ESYT2: variants seen among roughly 807,000 people sequenced by gnomAD.
ESYT2 encodes extended synaptotagmin-2.
In ESYT2, 54 loss-of-function variants were observed where a neutral mutation model predicts 107.2. The ratio of observed to expected loss-of-function variants is 0.50; its 90% CI spans 0.40 to 0.63. The LOEUF is 0.63. Among genes scored for constraint, ESYT2 ranks in the 30% least tolerant of loss-of-function variants. ESYT2 has a pLI of 0.00. For synonymous variants in ESYT2, 491 were observed against 434.1 expected, an observed-to-expected ratio of 1.13 and a Z score of -1.63; for missense variants, 1,020 against 1,094.5, an observed-to-expected ratio of 0.93 and a Z score of 0.96.
rs368886014 is a variant in ESYT2, at chr7:158,829,115, C to T, written c.304G>A (p.Val102Met). ...EDEERVVRLG[V>M]RACDLPAWVH... The stretch of plus-strand genomic sequence containing the variant: ...CAGGCGGGCAGGTCGCAGGCGCGCA[C>T]CCCCAGGCGCACGACGCGCTCCTCG... The change falls in exon 1 of 23, where the codon GTG becomes ATG. Residue 102 changes from valine (V) to methionine (M), a missense_variant. Val to Met is a conservative substitution (Grantham distance 21, BLOSUM62 1). Coordinates refer to ENST00000275418, the MANE Select transcript of ESYT2 (RefSeq NM_001367773.1). 1.9e-6 allele frequency: 3 copies of T among 1,578,968 alleles called. No homozygotes were observed. The highest frequency in any genetic ancestry group is 2.3e-5 in the South Asian group (2 of 88,878).
At chr7:158,797,910 G>A (rs1267643021) in intron 3 of ESYT2, 32 bp downstream of exon 3, 1 of 1,603,252 alleles carries the variant, frequency 6.2e-7, no homozygotes. Context: ...ATCTGACTGT[G>A]TGCACGTGAG....
chr7:158,743,382 C>G, intron 17 of ESYT2, 147 bp downstream of exon 17: 1 of 948,478 alleles, frequency 1.1e-6, no homozygotes, highest in East Asian at 3.0e-5. Flanking sequence ...AACAATATCT[C>G]CTCCCTGCAC....
intron 6 of ESYT2, among the ~76,000 whole-genome samples, chr7:158,785,406 CAA>C (rs1839073375): frequency 6.7e-6 from 1 of 150,352 alleles, no homozygotes; most frequent in Non-Finnish European, 1.5e-5. Context: ...GCCTGGGTGA[CAA>C]GAGTGAAACT....
At chr7:158,744,987 T>G (rs1348930256) in intron 16 of ESYT2, among the ~76,000 whole-genome samples, 1 of 152,222 alleles carries the variant, frequency 6.6e-6, no homozygotes, top group African/African-American at 2.4e-5. Context: ...AGAAGTGCAC[T>G]TTATGAAGGA....
chr7:158,748,775 A>G (rs1837489380), intron 15 of ESYT2, among the ~76,000 whole-genome samples: 1 of 150,560 alleles, frequency 6.6e-6, no homozygotes, highest in South Asian at 2.1e-4. Context: ...GCTGGAGTGC[A>G]GTGGCGCAAT....
intron 3 of ESYT2, among the ~76,000 whole-genome samples, chr7:158,795,157 G>T (rs1187547567): frequency 2.0e-5 from 3 of 152,200 alleles, no homozygotes; most frequent in Non-Finnish European, 4.4e-5. Context: ...GTCTTGGTCA[G>T]CACACAGTCT....
intron 1 of ESYT2, among the ~76,000 whole-genome samples, chr7:158,815,897 C>T (rs1034247128): frequency 1.3e-5 from 2 of 152,174 alleles, no homozygotes; most frequent in African/African-American, 4.8e-5. Context: ...TGAGATGTTA[C>T]GGCACGGGGA....
chr7:158,763,252 C>T (rs201418836), intron 9 of ESYT2, 87 bp from the exon 10 acceptor site: 5 of 748,878 alleles, frequency 6.7e-6, no homozygotes, highest in East Asian at 6.2e-5. Context: ...GTAAATATGA[C>T]CAGGTACTTT....
At chr7:158,748,778 G>T (rs573418867) in intron 15 of ESYT2, among the ~76,000 whole-genome samples, 1 of 151,048 alleles carries the variant, frequency 6.6e-6, no homozygotes, top group Non-Finnish European at 1.5e-5. Context: ...GGAGTGCAGT[G>T]GCGCAATCTC....
At position 158,829,199 on chromosome 7, in the gene ESYT2, G is replaced by A; in HGVS notation, c.220C>T (p.Arg74Cys). 2 of 1,532,320 alleles carry A rather than the reference G, an allele frequency of 1.3e-6. No homozygotes were observed. The highest frequency in any genetic ancestry group is 1.7e-6 in the Non-Finnish European group (2 of 1,147,278). 94.9% of individuals were successfully genotyped at this position (1,532,320 alleles called of 1,614,324 possible). A position where few individuals can be genotyped will look rare whatever the true frequency, so the allele number is the denominator to read the frequency against. ...LLALALLAWC[R>C]RSRGLKALRL... ...AGGGCCTTGAGGCCGCGGCTGCGGC[G>A]ACACCAGGCGAGCAGCGCGAGCGCG... Residue 74 changes from arginine (R) to cysteine (C), a missense_variant, in exon 1 of 23, where the codon CGC (arginine) becomes TGC (cysteine). By Grantham distance (180) the Arg-to-Cys change is radical. Coordinates refer to ENST00000275418, the MANE Select transcript of ESYT2 (RefSeq NM_001367773.1).
At chr7:158,742,218 G>A (rs937100890) in intron 17 of ESYT2, among the ~76,000 whole-genome samples, 1 of 152,050 alleles carries the variant, frequency 6.6e-6, no homozygotes, top group Non-Finnish European at 1.5e-5. Context: ...CTGGGGCATC[G>A]CCGAGGCCTG....
At chr7:158,804,334 C>T (rs1188227489) in intron 1 of ESYT2, among the ~76,000 whole-genome samples, 24 of 125,686 alleles carry the variant, frequency 1.9e-4, no homozygotes, top group East Asian at 5.2e-4. Flanking sequence ...ACCCAAACCG[C>T]CGAGAAGGGT....
chr7:158,738,875 GCA>G, intron 19 of ESYT2, 146 bp downstream of exon 19: 1 of 780,802 alleles, frequency 1.3e-6, no homozygotes, highest in South Asian at 1.7e-5. Flanking sequence ...CCCTTTACGA[GCA>G]CCGTCTCTAG....
intron 1 of ESYT2, among the ~76,000 whole-genome samples, chr7:158,800,803 G>A (rs922535657): frequency 6.8e-6 from 1 of 148,048 alleles, no homozygotes; most frequent in South Asian, 2.1e-4. Context: ...ATCTCGACTC[G>A]CCACAACCTC....
intron 4 of ESYT2, among the ~76,000 whole-genome samples, chr7:158,790,338 T>G (rs1488182243): frequency 6.6e-6 from 1 of 152,208 alleles, no homozygotes; most frequent in Non-Finnish European, 1.5e-5. Context: ...TCTGAGTTGC[T>G]AGACACTACA....
chr7:158,734,666 C>G (rs549123868), intron 21 of ESYT2, among the ~76,000 whole-genome samples, 195 bp from the exon 22 acceptor site: 1 of 152,318 alleles, frequency 6.6e-6, no homozygotes, highest in Admixed American at 6.5e-5. Context: ...TGACACGCAC[C>G]TTGGTCCCAG....
intron 6 of ESYT2, among the ~76,000 whole-genome samples, chr7:158,786,088 A>C (rs1340363697): frequency 6.6e-6 from 1 of 152,224 alleles, no homozygotes; most frequent in Non-Finnish European, 1.5e-5. Flanking sequence ...CCATATAAGG[A>C]AATGAGTGAC....
At chr7:158,754,510 C>CT (rs771934885) in intron 13 of ESYT2, among the ~76,000 whole-genome samples, 2,666 of 149,128 alleles carry the variant, frequency 0.018, 27 homozygotes, top group Non-Finnish European at 0.028. Context: ...TGTGCCCGGC[C>CT]TTTTTTTTTT....
At chr7:158,741,002 T>C (rs55933756) in intron 18 of ESYT2, among the ~76,000 whole-genome samples, 35,711 of 151,906 alleles carry the variant, frequency 0.24, 5,048 homozygotes, top group East Asian at 0.59. Flanking sequence ...TTTTCCTCCG[T>C]ATCTAAAGAA....
Sources: gnomAD v4.1 joint callset for allele counts (sites outside exome capture counted in the v4.1 genomes callset) on GRCh38, gnomAD v4.1.1 for gene constraint, MANE v1.5 for transcripts, NCBI Gene and HGNC (gene_info 2026-07-23, HGNC 2026-07-21) for gene names.